The following FSTL5 variants were observed in gnomAD, a reference collection of about 807,000 sequenced individuals.
FSTL5 encodes follistatin-related protein 5.
In FSTL5, 62 loss-of-function variants were observed where a neutral mutation model predicts 89.1. That is an observed-to-expected ratio of 0.70 (90% CI 0.57 to 0.86). FSTL5 has a LOEUF of 0.86. FSTL5 is among the 40% of genes least tolerant of loss of function. The pLI is 0.00. For synonymous variants in FSTL5, 383 were observed against 346.2 expected (o/e 1.11, Z -1.18); for missense variants, 1,057 against 1,001.6 (o/e 1.06, Z -0.75).
At chr4:161,677,459 TTTAA>T (rs1412770403) in intron 6 of FSTL5, among the ~76,000 whole-genome samples, 3 of 152,064 alleles carry the variant, frequency 2.0e-5, no homozygotes, top group Non-Finnish European at 4.4e-5. Flanking sequence ...ATGGCCATAA[TTTAA>T]TTAACAAGTA....
intron 1 of FSTL5, among the ~76,000 whole-genome samples, chr4:162,126,636 A>AT (rs75805271): frequency 0.097 from 14,740 of 152,100 alleles, 911 homozygotes; most frequent in African/African-American, 0.17. Context: ...ATGTCTATAG[A>AT]TTTTTTGTCA....
chr4:161,496,300 G>A (rs1402179484), intron 12 of FSTL5, among the ~76,000 whole-genome samples: 1 of 152,102 alleles, frequency 6.6e-6, no homozygotes, highest in East Asian at 1.9e-4. Flanking sequence ...AGATGTGATG[G>A]TTGATTTATA....
chr4:161,770,750 A>G (rs1741180226), intron 5 of FSTL5, among the ~76,000 whole-genome samples: 1 of 152,022 alleles, frequency 6.6e-6, no homozygotes, highest in Admixed American at 6.6e-5. Context: ...GTAATGTAAT[A>G]TTTATTAGCA....
At chr4:161,814,446 G>A (rs1224072752) in intron 4 of FSTL5, among the ~76,000 whole-genome samples, 1 of 152,142 alleles carries the variant, frequency 6.6e-6, no homozygotes, top group Non-Finnish European at 1.5e-5. Context: ...ACATTTCAAT[G>A]TTTGAACTGA....
At chr4:161,665,528 C>T (rs1378915297) in intron 6 of FSTL5, among the ~76,000 whole-genome samples, 2 of 152,110 alleles carry the variant, frequency 1.3e-5, no homozygotes, top group Admixed American at 1.3e-4. Context: ...CCACCGCGCC[C>T]GGCCCAGAGA....
intron 3 of FSTL5, among the ~76,000 whole-genome samples, chr4:162,003,807 T>A (rs1193233510): frequency 6.6e-6 from 1 of 152,186 alleles, no homozygotes; most frequent in Non-Finnish European, 1.5e-5. Context: ...TCACTTAACA[T>A]TTTATGTGAA....
chr4:161,866,460 G>A (rs1352195610), intron 4 of FSTL5, among the ~76,000 whole-genome samples: 2 of 132,030 alleles, frequency 1.5e-5, no homozygotes, highest in African/African-American at 5.9e-5. Flanking sequence ...AGTGTTCTAA[G>A]CTGTAGTGTG....
intron 3 of FSTL5, among the ~76,000 whole-genome samples, chr4:161,979,151 T>C (rs1735744637): frequency 6.6e-6 from 1 of 152,168 alleles, no homozygotes; most frequent in South Asian, 2.1e-4. Flanking sequence ...GTCTATGGGA[T>C]GTCAGAGGCT....
chr4:161,611,520 C>T (rs975991664), intron 7 of FSTL5, among the ~76,000 whole-genome samples: 14 of 151,986 alleles, frequency 9.2e-5, no homozygotes, highest in African/African-American at 3.4e-4. Flanking sequence ...GAAGTTTTAA[C>T]ATCAATTCCC....
intron 8 of FSTL5, among the ~76,000 whole-genome samples, chr4:161,571,758 G>C (rs1359394196): frequency 6.6e-6 from 1 of 152,160 alleles, no homozygotes; most frequent in African/African-American, 2.4e-5. Flanking sequence ...GCAATGTGGA[G>C]CCTTGGTGAG....
chr4:162,051,855 T>C (rs1344741095), intron 2 of FSTL5, among the ~76,000 whole-genome samples: 1 of 151,570 alleles, frequency 6.6e-6, no homozygotes, highest in African/African-American at 2.4e-5. Flanking sequence ...TAGCTTTAAT[T>C]ATCATGAAAC....
intron 15 of FSTL5, among the ~76,000 whole-genome samples, chr4:161,452,040 CAT>C (rs980462859): frequency 3.3e-5 from 5 of 152,224 alleles, no homozygotes; most frequent in African/African-American, 9.6e-5. Context: ...TAATTCAACA[CAT>C]GTTTCAGACC....
intron 15 of FSTL5, among the ~76,000 whole-genome samples, chr4:161,405,708 G>A (rs1177063247): frequency 6.6e-6 from 1 of 151,886 alleles, no homozygotes; most frequent in Non-Finnish European, 1.5e-5. Flanking sequence ...AACATTCCAA[G>A]AAGAATAAAT....
chr4:162,159,518 T>C (rs922113162), intron 1 of FSTL5, among the ~76,000 whole-genome samples: 11 of 152,174 alleles, frequency 7.2e-5, no homozygotes, highest in Non-Finnish European at 1.3e-4. Context: ...CACATTAAAT[T>C]AATATTAATT....
At chr4:161,518,525 G>A (rs1730918313) in intron 10 of FSTL5, among the ~76,000 whole-genome samples, 1 of 152,098 alleles carries the variant, frequency 6.6e-6, no homozygotes, top group Non-Finnish European at 1.5e-5. Context: ...TTCTGAATGT[G>A]GATGCATCTC....
rs538673540 is a variant in FSTL5, at chr4:161,790,244, C to T, written c.410-14170G>A. Reference sequence around the variant, plus strand: ...ATCTTTTTCAAATTGCCATGCACTTCTAACATGGTAGTTAAGACTTTACAG... The same window carrying T: ...ATCTTTTTCAAATTGCCATGCACTTTTAACATGGTAGTTAAGACTTTACAG... On this transcript the variant is annotated intron_variant, in intron 4 of 15. Transcript: ENST00000306100. 2.6e-5 allele frequency among the ~76,000 whole-genome samples: 4 copies of T among 152,318 alleles called. No individual in the cohort carries two copies. The East Asian group carries it at 7.7e-4, about 29-fold the overall frequency.
chr4:161,556,846 G>GTATATATATATATATATATATA (rs561942481), intron 8 of FSTL5, among the ~76,000 whole-genome samples: 41 of 142,764 alleles, frequency 2.9e-4, no homozygotes, highest in South Asian at 6.6e-4. Context: ...GTGTGTGTGT[G>GTATATATATATATATATATATA]TATATATATA....
intron 4 of FSTL5, among the ~76,000 whole-genome samples, chr4:161,916,016 A>G (rs1733828563): frequency 1.3e-5 from 2 of 152,086 alleles, no homozygotes; most frequent in Admixed American, 1.3e-4. Context: ...TTAAAAAAAA[A>G]AGAAAGAAGA....
At chr4:161,949,078 G>T (rs1440400350) in intron 3 of FSTL5, among the ~76,000 whole-genome samples, 2 of 152,124 alleles carry the variant, frequency 1.3e-5, no homozygotes, top group African/African-American at 2.4e-5. Flanking sequence ...TTCTAGGGGA[G>T]AATCTGTTTC....
Sources: gnomAD v4.1 joint callset for allele counts (sites outside exome capture counted in the v4.1 genomes callset) on GRCh38, gnomAD v4.1.1 for gene constraint, MANE v1.5 for transcripts, NCBI Gene and HGNC (gene_info 2026-07-23, HGNC 2026-07-21) for gene names.